XRN1: variants seen among roughly 807,000 people sequenced by gnomAD.
XRN1 encodes the protein 5'-3' exoribonuclease 1, also known as strand-exchange protein 1 homolog.
Under a neutral mutation model 222.3 loss-of-function variants are expected in XRN1, and 67 were observed. The ratio of observed to expected loss-of-function variants is 0.30; its 90% CI spans 0.25 to 0.37. The LOEUF (loss-of-function observed/expected upper bound fraction) is 0.37, where lower values mean the gene tolerates loss of function less well. Among genes scored for constraint, XRN1 ranks in the 10% least tolerant of loss-of-function variants. The pLI is 1.00. For synonymous variants in XRN1, 643 were observed against 652.4 expected (o/e 0.99, Z 0.22); for missense variants, 1,707 against 2,000.2 (o/e 0.85, Z 2.80).
chr3:142,399,695 C>A (rs146355599), intron 19 of XRN1, among the ~76,000 whole-genome samples: 1 of 151,702 alleles, frequency 6.6e-6, no homozygotes, highest in South Asian at 2.1e-4. Context: ...GCACTGACTT[C>A]TCATCAACAT....
At chr3:142,351,024 T>C (rs570129375) in intron 32 of XRN1, among the ~76,000 whole-genome samples, 2 of 152,318 alleles carry the variant, frequency 1.3e-5, no homozygotes, top group South Asian at 2.1e-4. Context: ...GGAGACATGA[T>C]GTATGTACTT....
Position 142,355,513 on chromosome 3 carries a change from A to G in XRN1, c.3673-17T>C. On this transcript the variant is annotated splice_polypyrimidine_tract_variant and intron_variant, in intron 31 of 40. Transcript: ENST00000392981. ...AGTAGGTACCTAGCAAAGTACAAAC[A>G]ATTTCTTGAGAAAATGAAATAGGAA... The G allele has an allele frequency of 6.9e-7, 1 of 1,452,736 alleles. No homozygotes were observed. Among genetic ancestry groups the G allele is most frequent in the South Asian group, 1.3e-5 (1 of 78,582 alleles). The allele number at this position is 1,452,736 out of a possible 1,614,324, so 90.0% of individuals were successfully genotyped here.
At position 142,332,372 on chromosome 3, in the gene XRN1, T is replaced by C. The variant is rs2065724135; in HGVS notation, c.4222+3A>G. Reference sequence around the variant, plus strand: ...TATTGGTAATAGTATTTAGTTTACTTACCTAATTTCTTATTTTGTTTAGGC... The same window carrying C: ...TATTGGTAATAGTATTTAGTTTACTCACCTAATTTCTTATTTTGTTTAGGC... On this transcript the variant is annotated splice_donor_region_variant and intron_variant, in intron 36 of 40. Coordinates refer to ENST00000392981, the MANE Select transcript of XRN1 (RefSeq NM_001282857.2). The C allele has an allele frequency of 1.9e-6, 3 of 1,579,736 alleles. No homozygotes were observed. Among genetic ancestry groups the C allele is most frequent in the Non-Finnish European group, 1.7e-6 (2 of 1,158,740 alleles).
Position 142,347,294 on chromosome 3 carries a change from A to T in XRN1, c.3817T>A (p.Ser1273Thr). 1 of 1,607,668 alleles carries T rather than the reference A, an allele frequency of 6.2e-7. No individual in the cohort carries two copies. Among genetic ancestry groups the T allele is most frequent in the Non-Finnish European group, 8.5e-7 (1 of 1,177,032 alleles). Residue 1273 changes from serine (S) to threonine (T), a missense_variant, in exon 33 of 41, where the codon TCT becomes ACT. Ser to Thr is a moderately conservative substitution (Grantham distance 58). Coordinates refer to ENST00000392981, the MANE Select transcript of XRN1 (RefSeq NM_001282857.2). The stretch of plus-strand genomic sequence containing the variant: ...TTAACACTGTTGTCATTAAAGCCAG[A>T]TTTATGATGTTGATTTACTTGGCTT... ...EISQVNQHHK[S>T]GFNDNSVKYQ...
intron 1 of XRN1, among the ~76,000 whole-genome samples, chr3:142,433,295 T>G (rs1397379303): frequency 2.6e-5 from 4 of 152,222 alleles, no homozygotes; most frequent in Non-Finnish European, 5.9e-5. Context: ...ATCAAAAGGC[T>G]GTTTGTACAT....
chr3:142,357,885 A>C (rs1470164173), intron 30 of XRN1, among the ~76,000 whole-genome samples: 1 of 152,104 alleles, frequency 6.6e-6, no homozygotes, highest in Non-Finnish European at 1.5e-5. Context: ...AAAATACAAA[A>C]AAATTAGCCA....
In XRN1 at chr3:142,414,245, T is replaced by C. The variant is rs142290030; in HGVS notation, c.1483A>G (p.Ile495Val). The change falls in exon 14 of 41, where the codon ATC becomes GTC. Residue 495 changes from isoleucine to valine, a missense_variant. This residue lies in a region of XRN1 where 1,234 missense variants were observed against 1,518.2 expected (regional missense o/e 0.81). Transcript: ENST00000392981. ...YAPFLSDIHN[I>V]STLKIHFELG... is the part of the protein sequence containing the mutation. ...TCAAAATGGATTTTGAGTGTACTGA[T>C]GTTGTGTATATCAGACAGGAAAGGT... The C allele has an allele frequency of 1.4e-5, 22 of 1,613,784 alleles. No individual in the cohort carries two copies. Among genetic ancestry groups the C allele is most frequent in the Non-Finnish European group, 1.9e-5 (22 of 1,179,894 alleles).
At position 142,375,962 on chromosome 3, in the gene XRN1, A is replaced by G. The variant is rs371046753; in HGVS notation, c.2832-18T>C. ...CATGAGGGCTGAATTTAAACCACAC[A>G]TGCGCACACGTGCACACACACACAC... is the stretch of plus-strand genomic sequence containing the variant. On this transcript the variant is annotated intron_variant, in intron 24 of 40. Coordinates refer to ENST00000392981, the MANE Select transcript of XRN1 (RefSeq NM_001282857.2). 6.3e-6 allele frequency: 10 copies of G among 1,594,128 alleles called. No homozygotes were observed. Among genetic ancestry groups the G allele is most frequent in the South Asian group, 1.1e-5 (1 of 90,174 alleles).
chr3:142,385,862 C>T (rs543837918), intron 20 of XRN1, among the ~76,000 whole-genome samples: 13 of 151,816 alleles, frequency 8.6e-5, no homozygotes, highest in African/African-American at 3.1e-4. Flanking sequence ...TTAGTATGCC[C>T]GTATTACTAC....
At position 142,321,180 on chromosome 3, in the gene XRN1, C is replaced by T. The variant is rs781067485; in HGVS notation, c.4405-2277G>A. ...TGTTGCCCAGGCTGGAATGCAGTAG[C>T]GTGATCTTGGCTCACTGCAACTTCT... On this transcript the variant is annotated intron_variant, in intron 37 of 40. Coordinates refer to ENST00000392981, the MANE Select transcript of XRN1 (RefSeq NM_001282857.2). 2.1e-3 allele frequency among the ~76,000 whole-genome samples: 284 copies of T among 134,796 alleles called. 2 individuals carry two copies. The highest frequency in any genetic ancestry group is 2.9e-3 in the Non-Finnish European group (190 of 65,838). 88.4% of individuals were successfully genotyped at this position (134,796 alleles called of 152,430 possible).
At chr3:142,314,951 G>GTTTTT (rs1204432176) in intron 39 of XRN1, among the ~76,000 whole-genome samples, 1 of 88,608 alleles carries the variant, frequency 1.1e-5, no homozygotes. Flanking sequence ...TCTGTCGTCT[G>GTTTTT]TTTTTTTTTT....
intron 20 of XRN1, among the ~76,000 whole-genome samples, chr3:142,386,288 T>TAA (rs2067496435): frequency 1.3e-5 from 2 of 152,038 alleles, no homozygotes; most frequent in African/African-American, 4.8e-5. Context: ...AAAACAAACT[T>TAA]AAACAGATAA....
chr3:142,420,934 T>C (rs895435886), intron 10 of XRN1, 82 bp downstream of exon 10: 2 of 1,573,582 alleles, frequency 1.3e-6, no homozygotes, highest in African/African-American at 2.7e-5. Flanking sequence ...TCCCAAATCA[T>C]AAGAAGGAAA....
intron 31 of XRN1, among the ~76,000 whole-genome samples, chr3:142,356,113 T>C (rs1405208092): frequency 1.3e-5 from 2 of 152,206 alleles, no homozygotes; most frequent in Admixed American, 6.5e-5. Flanking sequence ...ATCCCACCAA[T>C]AGGTTTTTTG....
chr3:142,328,275 C>A (rs2065575752), intron 37 of XRN1, among the ~76,000 whole-genome samples: 1 of 152,088 alleles, frequency 6.6e-6, no homozygotes. Flanking sequence ...GGATTTATTG[C>A]TATAATCTTC....
At chr3:142,328,697 GTAA>G (rs1199418404) in intron 37 of XRN1, among the ~76,000 whole-genome samples, 3 of 79,030 alleles carry the variant, frequency 3.8e-5, no homozygotes, top group African/African-American at 1.4e-4. Flanking sequence ...AGGTTTACTT[GTAA>G]TATTATATAT....
rs200974219 is a variant in XRN1, at chr3:142,422,843, C to T, written c.790G>A (p.Val264Ile). ...GCTTTATTAATACTTACTTTTAATA[C>T]TGAAAACTCATAGTCAATATACTCT... ...MREYIDYEFS[V>I]LKEKITFKYD... The change falls in exon 7 of 41, where the codon GTA (valine) becomes ATA (isoleucine). Residue 264 changes from valine (V) to isoleucine (I), a missense_variant. Physicochemically the swap from Val to Ile is conservative, Grantham distance 29 (BLOSUM62 3). Coordinates refer to ENST00000392981, the MANE Select transcript of XRN1 (RefSeq NM_001282857.2). The T allele has an allele frequency of 1.1e-5, 17 of 1,607,818 alleles. No individual in the cohort carries two copies. Among genetic ancestry groups the T allele is most frequent in the Non-Finnish European group, 2.6e-6 (3 of 1,176,382 alleles).
intron 15 of XRN1, among the ~76,000 whole-genome samples, chr3:142,410,385 T>TA (rs2068517952): frequency 6.6e-6 from 1 of 151,894 alleles, no homozygotes; most frequent in African/African-American, 2.4e-5. Flanking sequence ...TGAATATTGA[T>TA]AATGTGGTAA....
At chr3:142,439,716 T>A (rs1295554179) in intron 1 of XRN1, among the ~76,000 whole-genome samples, 1 of 149,636 alleles carries the variant, frequency 6.7e-6, no homozygotes, top group Non-Finnish European at 1.5e-5. Flanking sequence ...ATAATAGAGA[T>A]CAGGAGGAGC....
Sources: gnomAD v4.1 joint callset for allele counts (sites outside exome capture counted in the v4.1 genomes callset) on GRCh38, gnomAD v4.1.1 for gene constraint, gnomAD v4.1.1 regional missense constraint, MANE v1.5 for transcripts, NCBI Gene and HGNC (gene_info 2026-07-23, HGNC 2026-07-21) for gene names.